The following FAAH2 variants were observed in gnomAD, a reference collection of about 807,000 sequenced individuals.
FAAH2 encodes the protein fatty acid amide hydrolase 2.
FAAH2 carries 60 observed loss-of-function variants against 36.9 expected under a neutral mutation model. The observed-to-expected ratio is 1.63, with a 90% confidence interval of 1.32 to 2.02. The LOEUF is 2.02. Ranked by LOEUF, FAAH2 falls within the 30% of genes most tolerant of loss-of-function variation. The pLI is 0.00. For missense variants in FAAH2, 689 were observed against 397.5 expected (o/e 1.73, Z -6.23); for synonymous variants, 214 against 143.8 (o/e 1.49, Z -3.49).
chrX:57,409,201 A>G (rs1029617295), intron 7 of FAAH2, among the ~76,000 whole-genome samples: 1 of 111,807 alleles, frequency 8.9e-6, no homozygotes, highest in Non-Finnish European at 1.9e-5. Context: ...TGACCAAAAC[A>G]TCATATGCAG....
At chrX:57,267,492 C>G in the FAAH2 span, among the ~76,000 whole-genome samples, 8,836 of 112,629 alleles carry the variant, frequency 0.078, 865 homozygotes, top group African/African-American at 0.27. Context: ...ACCATCTCCA[C>G]TGCAACAGTG....
chrX:57,185,575 T>C, the FAAH2 span, among the ~76,000 whole-genome samples: 1 of 109,348 alleles, frequency 9.1e-6, no homozygotes, highest in African/African-American at 3.3e-5. Flanking sequence ...GGTTCTGGGA[T>C]ACATGTGATG....
intron 2 of FAAH2, among the ~76,000 whole-genome samples, chrX:57,295,605 G>T (rs4323611): frequency 0.55 from 60,650 of 110,583 alleles, 14,424 homozygotes; most frequent in Non-Finnish European, 0.74. Context: ...GCTGGACAGT[G>T]GGTGCAGGAC....
chrX:57,241,456 AC>A, the FAAH2 span, among the ~76,000 whole-genome samples: 1 of 103,106 alleles, frequency 9.7e-6, no homozygotes, highest in Non-Finnish European at 1.9e-5. Context: ...AGAAAAAAAA[AC>A]AGACCTATTA....
rs374743897 is a variant in FAAH2 at position 57,349,606 on chromosome X, G to A, written c.742+8216G>A. On this transcript the variant is annotated intron_variant, in intron 5 of 10. Coordinates refer to ENST00000374900, the MANE Select transcript of FAAH2 (RefSeq NM_174912.4). ...TCTAGAACTGAAGTATTAATTTAAGGAAATACAAAATACATTCAAAAGCTT... is the reference window on the plus strand; with the variant it reads ...TCTAGAACTGAAGTATTAATTTAAGAAAATACAAAATACATTCAAAAGCTT... Among the ~76,000 whole-genome samples the A allele has an allele frequency of 4.8e-5, 5 of 104,322 alleles. No homozygotes were observed. In the East Asian group the frequency reaches 9.0e-4, roughly 19 times the overall value. The allele number at this position is 104,322 out of a possible 115,157, so 90.6% of individuals were successfully genotyped here. A position where few individuals can be genotyped will look rare whatever the true frequency, so the allele number is the denominator to read the frequency against.
At chrX:57,407,012 C>T (rs761715315) in intron 7 of FAAH2, among the ~76,000 whole-genome samples, 3 of 112,312 alleles carry the variant, frequency 2.7e-5, no homozygotes, top group Admixed American at 9.4e-5. Flanking sequence ...CAGAACCATA[C>T]TCTCTCCTGC....
chrX:57,166,179 C>T, the FAAH2 span, among the ~76,000 whole-genome samples: 1 of 110,219 alleles, frequency 9.1e-6, no homozygotes. Context: ...ACACCACCTT[C>T]CCACTCCATC....
At chrX:57,292,778 C>T (rs2052023275) in intron 2 of FAAH2, among the ~76,000 whole-genome samples, 198 bp downstream of exon 2, 1 of 111,632 alleles carries the variant, frequency 9.0e-6, no homozygotes, top group Non-Finnish European at 1.9e-5. Context: ...CATCCTCCTC[C>T]TATTAACTGC....
At chrX:57,324,155 A>G (rs1326007175) in intron 3 of FAAH2, among the ~76,000 whole-genome samples, 8 of 111,407 alleles carry the variant, frequency 7.2e-5, no homozygotes, top group African/African-American at 2.6e-4. Context: ...GTTTGTAGAT[A>G]TGTGGCATTA....
chrX:57,378,365 G>A (rs1386524380), intron 5 of FAAH2, among the ~76,000 whole-genome samples: 6 of 110,906 alleles, frequency 5.4e-5, no homozygotes, highest in East Asian at 2.8e-4. Flanking sequence ...ACCATCCCCA[G>A]AAAGAGAGAA....
chrX:57,468,739 T>C (rs2057099693), intron 10 of FAAH2, among the ~76,000 whole-genome samples: 2 of 110,936 alleles, frequency 1.8e-5, no homozygotes, highest in Middle Eastern at 4.6e-3. Flanking sequence ...ATCCAGGAAA[T>C]ACAGAGAATG....
chrX:57,488,705 C>G (rs1210514393), intron 10 of FAAH2, 52 bp from the exon 11 acceptor site: 5 of 1,117,706 alleles, frequency 4.5e-6, no homozygotes, highest in Non-Finnish European at 6.0e-6. Context: ...TGAAAAAATA[C>G]GTTTTCAGGA....
chrX:57,324,107 C>G (rs756119901), intron 3 of FAAH2, among the ~76,000 whole-genome samples: 2 of 111,839 alleles, frequency 1.8e-5, no homozygotes, highest in African/African-American at 3.2e-5. Flanking sequence ...AATCCTTTCC[C>G]CATTGCTTGT....
At chrX:57,280,423 A>G in the FAAH2 span, among the ~76,000 whole-genome samples, 1 of 111,590 alleles carries the variant, frequency 9.0e-6, no homozygotes, top group Non-Finnish European at 1.9e-5. Context: ...TTTTTCACCA[A>G]AATGAATATA....
At chrX:57,180,638 A>G in the FAAH2 span, among the ~76,000 whole-genome samples, 1 of 110,966 alleles carries the variant, frequency 9.0e-6, no homozygotes, top group South Asian at 3.8e-4. Context: ...CCTGCCAACC[A>G]AACAACAACA....
At chrX:57,349,064 T>TAC (rs1260605386) in intron 5 of FAAH2, among the ~76,000 whole-genome samples, 2 of 96,419 alleles carry the variant, frequency 2.1e-5, no homozygotes, top group African/African-American at 7.4e-5. Flanking sequence ...GAGAAATATA[T>TAC]ATATATATTA....
intron 3 of FAAH2, among the ~76,000 whole-genome samples, chrX:57,325,510 T>G (rs2053188393): frequency 9.0e-6 from 1 of 111,323 alleles, no homozygotes; most frequent in Non-Finnish European, 1.9e-5. Flanking sequence ...ATTGCCTCAA[T>G]TTCAGAGGCT....
intron 5 of FAAH2, among the ~76,000 whole-genome samples, chrX:57,373,966 T>A (rs2054610858): frequency 9.0e-6 from 1 of 111,545 alleles, no homozygotes; most frequent in Non-Finnish European, 1.9e-5. Context: ...CTTTATTTGT[T>A]GAATAGGGTG....
intron 3 of FAAH2, among the ~76,000 whole-genome samples, chrX:57,318,406 A>T (rs1472645866): frequency 3.6e-5 from 4 of 112,117 alleles, no homozygotes; most frequent in Non-Finnish European, 7.5e-5. Flanking sequence ...CAAATAAACT[A>T]GAAAGTGTAG....
Sources: gnomAD v4.1 joint callset for allele counts (sites outside exome capture counted in the v4.1 genomes callset) on GRCh38, gnomAD v4.1.1 for gene constraint, MANE v1.5 for transcripts, NCBI Gene and HGNC (gene_info 2026-07-23, HGNC 2026-07-21) for gene names.